Variants in GTF2F1 observed in about 807,000 individuals in gnomAD.
GTF2F1 encodes general transcription factor IIF subunit 1.
Under a neutral mutation model 63.5 loss-of-function variants are expected in GTF2F1, and 39 were observed. The ratio of observed to expected loss-of-function variants is 0.61; its 90% CI spans 0.48 to 0.80. GTF2F1 has a LOEUF of 0.80. Ranked by LOEUF, GTF2F1 falls within the 30% of genes least tolerant of loss-of-function variation. The pLI is 0.00. For missense variants in GTF2F1, 657 were observed against 718.3 expected, an observed-to-expected ratio of 0.91 and a Z score of 0.97; for synonymous variants, 287 against 285.3, an observed-to-expected ratio of 1.01 and a Z score of -0.06.
At chr19:6,388,087 A>ACG (rs1452345549) in intron 4 of GTF2F1, among the ~76,000 whole-genome samples, 2 of 136,148 alleles carry the variant, frequency 1.5e-5, no homozygotes. Flanking sequence ...CTGCCACCAC[A>ACG]CCCAGCTAAT....
Position 6,381,468 on chromosome 19 carries a change from CTCA to C in GTF2F1, c.906_908del (p.Asp302del), listed in dbSNP as rs779480096. ...CACTCTCCTCACTACTGTCGCTCTG[CTCA>C]TCGACACCTGGGAGGGGCAGGGTAT... is the stretch of plus-strand genomic sequence containing the variant. On this transcript the variant is annotated inframe_deletion, in exon 9 of 13. Transcript: ENST00000394456. This position sits in a 1 kb window ranked among gnomAD's most constrained non-coding sequence, Gnocchi z 4.1. The C allele has an allele frequency of 6.2e-7, 1 of 1,607,926 alleles. No individual in the cohort carries two copies. Among genetic ancestry groups the C allele is most frequent in the Non-Finnish European group, 8.5e-7 (1 of 1,179,318 alleles).
At position 6,381,189 on chromosome 19, in the gene GTF2F1, C is replaced by A; in HGVS notation, c.1025G>T (p.Ser342Ile). 6.2e-7 allele frequency: 1 copy of A among 1,608,198 alleles called. No individual in the cohort carries two copies. The highest frequency in any genetic ancestry group is 1.1e-5 in the South Asian group (1 of 90,160). ...PQEKKRRKDS[S>I]EESDSSEESD... ...CTCCTCTGAGCTGTCCGACTCCTCG[C>A]TGCTGTCTGCGGGGCACAGGAAAGG... Residue 342 changes from serine (S) to isoleucine (I), a missense_variant, in exon 10 of 13, where the codon AGC (serine) becomes ATC (isoleucine). Transcript: ENST00000394456. The surrounding 1 kb of genome is among the most constrained non-coding windows in gnomAD (Gnocchi z 4.1).
At chr19:6,382,799 C>CAAAAAA (rs1159505037) in intron 6 of GTF2F1, among the ~76,000 whole-genome samples, 4 of 81,578 alleles carry the variant, frequency 4.9e-5, no homozygotes, top group Non-Finnish European at 7.9e-5. Flanking sequence ...GATCCTGTCT[C>CAAAAAA]AAAAAAAAAA....
chr19:6,382,631 CAAA>C (rs575318230), intron 6 of GTF2F1, among the ~76,000 whole-genome samples: 10 of 109,638 alleles, frequency 9.1e-5, no homozygotes, highest in Admixed American at 9.6e-5. Context: ...ACTCTGTCTC[CAAA>C]AAAAAAAAAA....
Position 6,380,469 on chromosome 19 carries a change from C to T in GTF2F1, c.1366G>A (p.Glu456Lys). The T allele has an allele frequency of 2.5e-6, 4 of 1,614,090 alleles. No individual in the cohort carries two copies. Among genetic ancestry groups the T allele is most frequent in the Non-Finnish European group, 3.4e-6 (4 of 1,179,990 alleles). ...GTCAGGTAGCGGCGCACGGCATCCT[C>T]AGTCACCTGCACGTCGCTGAGGATG... ...TPNSGDVQVT[E>K]DAVRRYLTRK... The change falls in exon 13 of 13, where the codon GAG becomes AAG. Residue 456 changes from glutamate to lysine, a missense_variant. By Grantham distance (56) the Glu-to-Lys change is moderately conservative. Coordinates refer to ENST00000394456, the MANE Select transcript of GTF2F1 (RefSeq NM_002096.3). The surrounding 1 kb of genome is among the most constrained non-coding windows in gnomAD (Gnocchi z 5.3).
intron 6 of GTF2F1, among the ~76,000 whole-genome samples, chr19:6,382,958 G>A (rs1286360623): frequency 6.6e-6 from 1 of 152,092 alleles, no homozygotes; most frequent in Non-Finnish European, 1.5e-5. Context: ...CTGGAGTCCA[G>A]TGGCGTGATC....
rs2091951037 is a variant in GTF2F1 at position 6,381,521 on chromosome 19, C to G, written c.898+33G>C. 2 of 1,610,512 alleles carry G rather than the reference C, an allele frequency of 1.2e-6. No individual in the cohort carries two copies. Among genetic ancestry groups the G allele is most frequent in the Non-Finnish European group, 1.7e-6 (2 of 1,179,870 alleles). ...TGAGCAAGAGCAGGGAAGCACCGCC[C>G]CCATCTCCCCGGCCCGCCCAGCCAT... On this transcript the variant is annotated intron_variant, in intron 8 of 12. Coordinates refer to ENST00000394456, the MANE Select transcript of GTF2F1 (RefSeq NM_002096.3). The surrounding 1 kb of genome is among the most constrained non-coding windows in gnomAD (Gnocchi z 4.1).
In GTF2F1 at chr19:6,383,498, G is replaced by A; in HGVS notation, c.498-3C>T. 6.2e-7 allele frequency: 1 copy of A among 1,611,878 alleles called. No homozygotes were observed. The highest frequency in any genetic ancestry group is 2.2e-5 in the East Asian group (1 of 44,854). ...AGTGGTTCAGCACCTTGTTCCTCCTGCGGGCCAGGCACAGGGGGGCTCATG... is the reference window on the plus strand; with the variant it reads ...AGTGGTTCAGCACCTTGTTCCTCCTACGGGCCAGGCACAGGGGGGCTCATG... On this transcript the variant is annotated splice_region_variant and splice_polypyrimidine_tract_variant and intron_variant, in intron 5 of 12. Transcript: ENST00000394456. This position sits in a 1 kb window ranked among gnomAD's most constrained non-coding sequence, Gnocchi z 4.5.
At chr19:6,387,607 C>T (rs759552767) in intron 4 of GTF2F1, 48 bp from the exon 5 acceptor site, 9 of 1,478,748 alleles carry the variant, frequency 6.1e-6, no homozygotes, top group Non-Finnish European at 8.5e-6. Context: ...CCAGCCCCAG[C>T]CCCCCCGTGT....
rs2091948820 is a variant in GTF2F1 at position 6,381,301 on chromosome 19, G to A, written c.1018+58C>T. On this transcript the variant is annotated intron_variant, in intron 9 of 12. Coordinates refer to ENST00000394456, the MANE Select transcript of GTF2F1 (RefSeq NM_002096.3). The surrounding 1 kb of genome is among the most constrained non-coding windows in gnomAD (Gnocchi z 4.1). Reference sequence around the variant, plus strand: ...AGGCCTGCAGGGGAGAGGGGAGGAGGTGGCAGGGCGCCAGGGCCCGACCCA... The same window carrying A: ...AGGCCTGCAGGGGAGAGGGGAGGAGATGGCAGGGCGCCAGGGCCCGACCCA... 1 of 1,543,526 alleles carries A rather than the reference G, an allele frequency of 6.5e-7. No homozygotes were observed. The highest frequency in any genetic ancestry group is 8.7e-7 in the Non-Finnish European group (1 of 1,143,326).
At position 6,389,694 on chromosome 19, in the gene GTF2F1, C is replaced by A. The variant is rs566814962; in HGVS notation, c.133-57G>T. 5.3e-6 allele frequency: 8 copies of A among 1,515,336 alleles called. No individual in the cohort carries two copies. In the Admixed American group the frequency reaches 1.4e-4, roughly 26 times the overall value. 93.9% of individuals were successfully genotyped at this position (1,515,336 alleles called of 1,614,324 possible). A position where few individuals can be genotyped will look rare whatever the true frequency, so the allele number is the denominator to read the frequency against. On this transcript the variant is annotated intron_variant, in intron 3 of 12. Coordinates refer to ENST00000394456, the MANE Select transcript of GTF2F1 (RefSeq NM_002096.3). Reference sequence around the variant, plus strand: ...TCCCTGGCTTTGCTTGCGCAGTGCCCCCCTCCAGGAACGCCCTTCCTTGCC... The same window carrying A: ...TCCCTGGCTTTGCTTGCGCAGTGCCACCCTCCAGGAACGCCCTTCCTTGCC...
In GTF2F1 at chr19:6,381,518, G is replaced by A. The variant is rs761386657; in HGVS notation, c.898+36C>T. 2.7e-5 allele frequency: 43 copies of A among 1,609,796 alleles called. No individual in the cohort carries two copies. The highest frequency in any genetic ancestry group is 8.0e-5 in the African/African-American group (6 of 74,920). On this transcript the variant is annotated intron_variant, in intron 8 of 12. Transcript: ENST00000394456. The surrounding 1 kb of genome is among the most constrained non-coding windows in gnomAD (Gnocchi z 4.1). ...GTATGAGCAAGAGCAGGGAAGCACC[G>A]CCCCCATCTCCCCGGCCCGCCCAGC...
intron 5 of GTF2F1, among the ~76,000 whole-genome samples, chr19:6,386,310 C>G (rs1895068155): frequency 6.6e-6 from 1 of 151,416 alleles, no homozygotes; most frequent in Non-Finnish European, 1.5e-5. Flanking sequence ...ATTGCTTGAA[C>G]CTAGGAGTCG....
At chr19:6,389,710 C>T (rs2091989288) in intron 3 of GTF2F1, 73 bp from the exon 4 acceptor site, 1 of 1,373,322 alleles carries the variant, frequency 7.3e-7, no homozygotes, top group Non-Finnish European at 1.0e-6. Flanking sequence ...CAGGAACGCC[C>T]TTCCTTGCCC....
Position 6,392,872 on chromosome 19 carries a change from A to G in GTF2F1, c.44T>C (p.Val15Ala). 1 of 1,614,022 alleles carries G rather than the reference A, an allele frequency of 6.2e-7. No individual in the cohort carries two copies. Among genetic ancestry groups the G allele is most frequent in the Non-Finnish European group, 8.5e-7 (1 of 1,179,966 alleles). Residue 15 changes from valine (V) to alanine (A), a missense_variant, in exon 2 of 13, where the codon GTC (valine) becomes GCC (alanine). This residue lies in a region of GTF2F1 where 602 missense variants were observed against 625.6 expected (regional missense o/e 0.96). Transcript: ENST00000394456. ...GPSSQNVTEYVVRVPKNTTKK... is the reference protein window; with the variant it reads ...GPSSQNVTEYAVRVPKNTTKK... ...GGGGACTTACTTAGGAACTCGAACGACGTATTCAGTGACATTCTGGCTGCT... is the reference window on the plus strand; with the variant it reads ...GGGGACTTACTTAGGAACTCGAACGGCGTATTCAGTGACATTCTGGCTGCT...
rs779642296 is a variant in GTF2F1, at chr19:6,381,749, C to A, written c.784G>T (p.Asp262Tyr). ...GSDDEAFEDS[D>Y]DGDFEGQEVD... is the part of the protein sequence containing the mutation. ...TCTTGGCCCTCGAAGTCCCCATCATCGCTGTCCTCGAAGGCCTCGTCGTCT... is the reference window on the plus strand; with the variant it reads ...TCTTGGCCCTCGAAGTCCCCATCATAGCTGTCCTCGAAGGCCTCGTCGTCT... Residue 262 changes from aspartate (D) to tyrosine (Y), a missense_variant, in exon 7 of 13, where the codon GAT becomes TAT. Coordinates refer to ENST00000394456, the MANE Select transcript of GTF2F1 (RefSeq NM_002096.3). This position sits in a 1 kb window ranked among gnomAD's most constrained non-coding sequence, Gnocchi z 4.1. 1 of 1,614,168 alleles carries A rather than the reference C, an allele frequency of 6.2e-7. No homozygotes were observed. The highest frequency in any genetic ancestry group is 2.2e-5 in the East Asian group (1 of 44,872).
chr19:6,386,505 G>A lies in GTF2F1; in HGVS notation c.497+884C>T, dbSNP rs138498212. ...CTGTCGCCCAGGCTGGAGTGCACTG[G>A]CAACATCTAGGATCACTGCAAGCTC... On this transcript the variant is annotated intron_variant, in intron 5 of 12. Transcript: ENST00000394456. 7.9e-3 allele frequency among the ~76,000 whole-genome samples: 1,202 copies of A among 152,108 alleles called. 12 individuals carry two copies. Among genetic ancestry groups the A allele is most frequent in the African/African-American group, 0.028 (1,153 of 41,538 alleles).
intron 4 of GTF2F1, among the ~76,000 whole-genome samples, chr19:6,388,503 C>T (rs555429679): frequency 2.0e-5 from 3 of 152,310 alleles, no homozygotes; most frequent in African/African-American, 7.2e-5. Context: ...TAACCTGGAC[C>T]CCTCCTGTTC....
At chr19:6,389,380 T>G in intron 4 of GTF2F1, 64 bp downstream of exon 4, 1 of 1,473,718 alleles carries the variant, frequency 6.8e-7, no homozygotes, top group African/African-American at 1.4e-5. Flanking sequence ...ACAAAGTATG[T>G]AAGTTGAGGC....
Sources: allele counts gnomAD v4.1 joint callset (sites outside exome capture counted in the v4.1 genomes callset), GRCh38; gene constraint gnomAD v4.1.1; regional missense constraint gnomAD v4.1.1; non-coding constraint Gnocchi (gnomAD v3.1); transcripts MANE v1.5; gene names NCBI Gene and HGNC (gene_info 2026-07-23, HGNC 2026-07-21).